SREK1IP1: variants seen among roughly 807,000 people sequenced by gnomAD.
The protein encoded by SREK1IP1 is SREK1 interacting protein 1.
A neutral mutation model predicts 22.8 loss-of-function variants in SREK1IP1; 12 were observed. The ratio of observed to expected loss-of-function variants is 0.53; its 90% confidence interval spans 0.34 to 0.85. SREK1IP1 has a LOEUF of 0.85. Ranked by LOEUF, SREK1IP1 falls within the 40% of genes least tolerant of loss-of-function variation. SREK1IP1 has a pLI of 0.02. For missense variants in SREK1IP1, 147 were observed against 171.8 expected, an observed-to-expected ratio of 0.86 and a Z score of 0.81; for synonymous variants, 53 against 52.7, an observed-to-expected ratio of 1.01 and a Z score of -0.02.
chr5:64,737,966 T>C (rs1282045731), intron 3 of SREK1IP1, among the ~76,000 whole-genome samples: 2 of 152,148 alleles, frequency 1.3e-5, no homozygotes, highest in Non-Finnish European at 2.9e-5. Context: ...CAGGACTAGA[T>C]GGCTTTGCTG....
intron 2 of SREK1IP1, among the ~76,000 whole-genome samples, chr5:64,744,025 C>T (rs979642433): frequency 1.3e-4 from 20 of 152,110 alleles, no homozygotes; most frequent in Admixed American, 1.2e-3. Flanking sequence ...TGATAATCAG[C>T]AGCTTCCAAT....
rs112713682 is a variant in SREK1IP1 at position 64,729,153 on chromosome 5, A to G, written c.206-974T>C. 2.3e-4 allele frequency among the ~76,000 whole-genome samples: 35 copies of G among 152,334 alleles called. 1 individual carries two copies. The highest frequency in any genetic ancestry group is 8.2e-4 in the African/African-American group (34 of 41,578). On this transcript the variant is annotated intron_variant, in intron 3 of 4. Coordinates refer to ENST00000513458, the MANE Select transcript of SREK1IP1 (RefSeq NM_173829.4). ...TCAGTTTGTCTCATAAAATCCTAGG[A>G]GATTTTTATTGACCACGCTTTCATT...
In SREK1IP1 at chr5:64,718,177, G is replaced by T. The variant is rs540665982; in HGVS notation, c.*6207C>A. 1 of 547,646 alleles carries T rather than the reference G, an allele frequency of 1.8e-6. No individual in the cohort carries two copies. Among genetic ancestry groups the T allele is most frequent in the Non-Finnish European group, 3.0e-6 (1 of 335,654 alleles). 33.9% of individuals were successfully genotyped at this position (547,646 alleles called of 1,614,324 possible). On this transcript the variant is annotated 3_prime_UTR_variant, in exon 5 of 5. Transcript: ENST00000513458. ...TGATCATTCAGTTACTTTATTAAACGCACATTAAGGTTTTATTGGTTTTCC... is the reference window on the plus strand; with the variant it reads ...TGATCATTCAGTTACTTTATTAAACTCACATTAAGGTTTTATTGGTTTTCC...
chr5:64,757,148 G>A (rs968813664), intron 1 of SREK1IP1, among the ~76,000 whole-genome samples: 6 of 152,152 alleles, frequency 3.9e-5, no homozygotes, highest in Non-Finnish European at 5.9e-5. Flanking sequence ...CATGGCGTAC[G>A]CCTGTAATCC....
chr5:64,757,772 G>A (rs553645374), intron 1 of SREK1IP1, among the ~76,000 whole-genome samples: 1 of 151,022 alleles, frequency 6.6e-6, no homozygotes, highest in African/African-American at 2.4e-5. Context: ...TCTTTTAAGA[G>A]GTAAAATGTC....
chr5:64,754,335 C>A lies in SREK1IP1; in HGVS notation c.41G>T (p.Gly14Val). The change falls in exon 2 of 5, where the codon GGC (glycine) becomes GTC (valine). Residue 14 changes from glycine (G) to valine (V), a missense_variant. Gly to Val is a moderately radical substitution (Grantham distance 109, BLOSUM62 -3). Coordinates refer to ENST00000513458, the MANE Select transcript of SREK1IP1 (RefSeq NM_173829.4). ...CTTACGGTAGCCACATTTTTTACAG[C>A]CTGCTCTGACACTGTCCTTGTTGCA... ...PGCNKDSVRA[G>V]CKKCGYPGHL... The A allele has an allele frequency of 6.2e-7, 1 of 1,613,924 alleles. No individual in the cohort carries two copies. The highest frequency in any genetic ancestry group is 8.5e-7 in the Non-Finnish European group (1 of 1,179,878).
chr5:64,726,391 C>T (rs903123433), intron 4 of SREK1IP1, among the ~76,000 whole-genome samples: 4 of 151,598 alleles, frequency 2.6e-5, no homozygotes, highest in East Asian at 1.9e-4. Context: ...CTGGCTAACA[C>T]GGTGAAACCC....
chr5:64,742,318 T>C (rs929746250), intron 2 of SREK1IP1, among the ~76,000 whole-genome samples: 1 of 151,856 alleles, frequency 6.6e-6, no homozygotes, highest in Admixed American at 6.6e-5. Flanking sequence ...ATGTACTAGG[T>C]TTTCTTTAGG....
At chr5:64,731,256 G>T (rs1245714258) in intron 3 of SREK1IP1, among the ~76,000 whole-genome samples, 1 of 151,994 alleles carries the variant, frequency 6.6e-6, no homozygotes. Flanking sequence ...GACTTGAGAT[G>T]AAAAATAAGA....
At position 64,754,358 on chromosome 5, in the gene SREK1IP1, G is replaced by A. The variant is rs762424824; in HGVS notation, c.18C>T (p.Cys6=). ...AGCCTGCTCTGACACTGTCCTTGTT[G>A]CAACCTGAAATACAATTGGATAGAA... MAVPG[C]NKDSVRAGCK... Residue 6 remains cysteine (C), a synonymous_variant, in exon 2 of 5, where the codon TGC becomes TGT. Coordinates refer to ENST00000513458, the MANE Select transcript of SREK1IP1 (RefSeq NM_173829.4). The A allele has an allele frequency of 2.6e-5, 42 of 1,613,256 alleles. 1 individual carries two copies. The highest frequency in any genetic ancestry group is 3.6e-5 in the Non-Finnish European group (42 of 1,179,534).
intron 2 of SREK1IP1, among the ~76,000 whole-genome samples, chr5:64,748,058 G>T (rs1742674992): frequency 6.6e-6 from 1 of 152,168 alleles, no homozygotes; most frequent in African/African-American, 2.4e-5. Flanking sequence ...AACATTCATT[G>T]CAGCACTTGT....
intron 2 of SREK1IP1, 68 bp downstream of exon 2, chr5:64,754,245 TTA>T (rs1742798168): frequency 2.0e-6 from 3 of 1,475,678 alleles, no homozygotes; most frequent in Non-Finnish European, 2.8e-6. Flanking sequence ...GGGTGCTACA[TTA>T]TATTGCCCAA....
chr5:64,745,488 T>C (rs115971254), intron 2 of SREK1IP1, among the ~76,000 whole-genome samples: 10,131 of 151,918 alleles, frequency 0.067, 1,099 homozygotes, highest in African/African-American at 0.23. Flanking sequence ...ACTCAGGAGG[T>C]TAAGGCACAA....
In SREK1IP1 at chr5:64,722,593, T is replaced by A. The variant is rs1340125677; in HGVS notation, c.*1791A>T. On this transcript the variant is annotated 3_prime_UTR_variant, in exon 5 of 5. Coordinates refer to ENST00000513458, the MANE Select transcript of SREK1IP1 (RefSeq NM_173829.4). ...TAAAAACCGATTTTTAAAATCTTGATAATCGAAGAATATTTTCAAAAAACT... is the reference window on the plus strand; with the variant it reads ...TAAAAACCGATTTTTAAAATCTTGAAAATCGAAGAATATTTTCAAAAAACT... 1 of 152,224 alleles carries A rather than the reference T, an allele frequency of 6.6e-6. No individual in the cohort carries two copies. The highest frequency in any genetic ancestry group is 6.5e-5 in the Admixed American group (1 of 15,282). The allele number at this position is 152,224 out of a possible 1,614,324, so 9.4% of individuals were successfully genotyped here.
At chr5:64,734,217 T>C (rs906002827) in intron 3 of SREK1IP1, among the ~76,000 whole-genome samples, 2 of 152,100 alleles carry the variant, frequency 1.3e-5, no homozygotes, top group African/African-American at 4.8e-5. Context: ...TTGTCACATA[T>C]GTATGGGTCT....
chr5:64,768,465 T>C (rs1392440967), intron 1 of SREK1IP1, 40 bp downstream of exon 1: 3 of 1,613,782 alleles, frequency 1.9e-6, no homozygotes, highest in Non-Finnish European at 2.5e-6. Context: ...TTGCGCTCCC[T>C]TCGGAGCTCG....
At chr5:64,739,344 A>G (rs1423485327) in intron 3 of SREK1IP1, among the ~76,000 whole-genome samples, 10 of 152,078 alleles carry the variant, frequency 6.6e-5, no homozygotes, top group Non-Finnish European at 1.5e-4. Context: ...CCCTCTCTAG[A>G]AAATAAACCT....
intron 2 of SREK1IP1, among the ~76,000 whole-genome samples, chr5:64,744,753 C>T (rs1742605610): frequency 6.6e-6 from 1 of 152,162 alleles, no homozygotes; most frequent in South Asian, 2.1e-4. Context: ...GATATCAGCA[C>T]AATTTTTAAC....
intron 1 of SREK1IP1, among the ~76,000 whole-genome samples, chr5:64,757,553 C>A (rs1742864213): frequency 1.3e-5 from 2 of 152,214 alleles, no homozygotes; most frequent in South Asian, 4.1e-4. Flanking sequence ...TTGCATCCAG[C>A]TGATCTGAAC....
Sources: gnomAD v4.1 joint callset for allele counts (sites outside exome capture counted in the v4.1 genomes callset) on GRCh38, gnomAD v4.1.1 for gene constraint, MANE v1.5 for transcripts, NCBI Gene and HGNC (gene_info 2026-07-23, HGNC 2026-07-21) for gene names.